DPYD: variants seen among roughly 807,000 people sequenced by gnomAD.
DPYD encodes the protein dihydropyrimidine dehydrogenase.
In DPYD, 109 loss-of-function variants were observed where a neutral mutation model predicts 116.2. The ratio of observed to expected loss-of-function variants is 0.94; its 90% confidence interval spans 0.80 to 1.10. The LOEUF is 1.10. Ranked by LOEUF, DPYD falls within the 50% of genes least tolerant of loss-of-function variation. The pLI, the probability that DPYD is intolerant of heterozygous loss-of-function variation, is 0.00. For missense variants in DPYD, 1,302 were observed against 1,254.5 expected (o/e 1.04, Z -0.57); for synonymous variants, 440 against 432.0 (o/e 1.02, Z -0.23).
chr1:97,632,875 C>T (rs1212498125), intron 8 of DPYD, among the ~76,000 whole-genome samples: 1 of 152,054 alleles, frequency 6.6e-6, no homozygotes, highest in Non-Finnish European at 1.5e-5. Flanking sequence ...GATCACTCAA[C>T]ATTTTTACAA....
At chr1:97,863,837 T>C (rs1376263226) in intron 2 of DPYD, among the ~76,000 whole-genome samples, 1 of 151,956 alleles carries the variant, frequency 6.6e-6, no homozygotes, top group African/African-American at 2.4e-5. Context: ...AGGCAACTTA[T>C]CTCTAGAGTC....
At chr1:97,531,807 T>G (rs1024437429) in intron 12 of DPYD, among the ~76,000 whole-genome samples, 2 of 152,138 alleles carry the variant, frequency 1.3e-5, no homozygotes, top group African/African-American at 4.8e-5. Context: ...TGGCAGTATT[T>G]TAGAGTTTTT....
intron 6 of DPYD, among the ~76,000 whole-genome samples, chr1:97,693,207 T>A (rs1661110751): frequency 7.1e-6 from 1 of 141,392 alleles, no homozygotes. Flanking sequence ...AGGAGAATAG[T>A]GTGAACCCGG....
chr1:97,226,303 A>C (rs1434218068), intron 19 of DPYD, among the ~76,000 whole-genome samples: 2 of 152,160 alleles, frequency 1.3e-5, no homozygotes, highest in Non-Finnish European at 2.9e-5. Flanking sequence ...GAAAAGTTGA[A>C]AGCTTTTCTT....
At chr1:97,551,217 C>G (rs529614574) in intron 11 of DPYD, among the ~76,000 whole-genome samples, 35 of 152,116 alleles carry the variant, frequency 2.3e-4, no homozygotes, top group Non-Finnish European at 4.9e-4. Context: ...ATTAAATATT[C>G]ATGTAATTAT....
At chr1:97,585,267 T>C (rs1248910605) in intron 10 of DPYD, among the ~76,000 whole-genome samples, 1 of 152,124 alleles carries the variant, frequency 6.6e-6, no homozygotes, top group Non-Finnish European at 1.5e-5. Context: ...ATGTGATAAA[T>C]TCTATTAACA....
intron 10 of DPYD, among the ~76,000 whole-genome samples, chr1:97,581,548 C>G (rs951172559): frequency 4.6e-5 from 7 of 151,108 alleles, no homozygotes; most frequent in Non-Finnish European, 7.4e-5. Context: ...TGAAGACTAG[C>G]CTGGGTAAAA....
chr1:97,376,900 T>TATATATATATATATATATATATAC (rs1671667341), intron 15 of DPYD, among the ~76,000 whole-genome samples: 1 of 148,838 alleles, frequency 6.7e-6, no homozygotes, highest in South Asian at 2.2e-4. Context: ...TATATATATA[T>TATATATATATATATATATATATAC]ATGGTGTGGA....
At chr1:97,752,540 G>T (rs1305206635) in intron 3 of DPYD, among the ~76,000 whole-genome samples, 1 of 152,044 alleles carries the variant, frequency 6.6e-6, no homozygotes, top group Non-Finnish European at 1.5e-5. Context: ...TTATCTCTGA[G>T]CCTCGGCTTC....
chr1:97,541,226 GT>G, intron 12 of DPYD, among the ~76,000 whole-genome samples: 1 of 152,190 alleles, frequency 6.6e-6, no homozygotes, highest in South Asian at 2.1e-4. Flanking sequence ...TTCTCGCCCT[GT>G]TTCTGTTGGA....
At chr1:97,105,102 A>G (rs1651036010) in intron 20 of DPYD, among the ~76,000 whole-genome samples, 1 of 152,134 alleles carries the variant, frequency 6.6e-6, no homozygotes, top group Non-Finnish European at 1.5e-5. Flanking sequence ...AACTCATATC[A>G]GGTCTCTCTT....
At chr1:97,228,990 G>T (rs1661388344) in intron 19 of DPYD, among the ~76,000 whole-genome samples, 1 of 151,964 alleles carries the variant, frequency 6.6e-6, no homozygotes, top group Non-Finnish European at 1.5e-5. Context: ...GAGGTCAGGA[G>T]ATTGAGACCA....
In DPYD at chr1:97,078,987, G is replaced by A. The variant is rs114096998; in HGVS notation, c.3067C>T (p.Pro1023Ser). Residue 1023 changes from proline (P) to serine (S), a missense_variant, in exon 23 of 23, where the codon CCG becomes TCG. By Grantham distance (74) the Pro-to-Ser change is moderately conservative. Transcript: ENST00000370192. Reference protein sequence around the residue: ...PKRGVPLSVNPVC With the variant: ...PKRGVPLSVNSVC ...TTTCACAAATCACCTTAACACACCGGATTCACAGATAAGGGTACGCCTCTC... is the reference window on the plus strand; with the variant it reads ...TTTCACAAATCACCTTAACACACCGAATTCACAGATAAGGGTACGCCTCTC... 155 of 1,613,558 alleles carry A rather than the reference G, an allele frequency of 9.6e-5. No homozygotes were observed. In the Middle Eastern group the frequency reaches 3.0e-3, roughly 31 times the overall value.
chr1:97,497,766 T>A (rs982617009), intron 13 of DPYD, among the ~76,000 whole-genome samples: 1 of 151,702 alleles, frequency 6.6e-6, no homozygotes, highest in East Asian at 1.9e-4. Context: ...TGGAAAACAG[T>A]TTAGCAATTC....
intron 18 of DPYD, among the ~76,000 whole-genome samples, chr1:97,272,914 A>C (rs993207773): frequency 4.6e-5 from 7 of 152,088 alleles, no homozygotes; most frequent in Non-Finnish European, 7.4e-5. Flanking sequence ...CTAAAATGAA[A>C]CAAGTGTGTT....
intron 4 of DPYD, among the ~76,000 whole-genome samples, chr1:97,730,304 C>A (rs1398550450): frequency 1.3e-5 from 2 of 152,086 alleles, no homozygotes; most frequent in Non-Finnish European, 2.9e-5. Context: ...TCACTGCAAC[C>A]TCCACCTCCC....
intron 8 of DPYD, among the ~76,000 whole-genome samples, chr1:97,610,202 A>C (rs1422578488): frequency 6.6e-6 from 1 of 151,930 alleles, no homozygotes; most frequent in Non-Finnish European, 1.5e-5. Context: ...CATAGTTCTT[A>C]TCCCTTAAAA....
intron 18 of DPYD, among the ~76,000 whole-genome samples, chr1:97,261,241 G>C (rs1037742830): frequency 1.3e-5 from 2 of 152,028 alleles, no homozygotes; most frequent in Non-Finnish European, 2.9e-5. Context: ...AATTTGAAAG[G>C]AAAGAAAGGG....
chr1:97,773,703 T>C (rs879242385), intron 3 of DPYD, among the ~76,000 whole-genome samples: 1 of 152,182 alleles, frequency 6.6e-6, no homozygotes. Context: ...GCGGATTACA[T>C]GGAATTTGGC....
Sources: allele counts gnomAD v4.1 joint callset (sites outside exome capture counted in the v4.1 genomes callset), GRCh38; gene constraint gnomAD v4.1.1; transcripts MANE v1.5; gene names NCBI Gene and HGNC (gene_info 2026-07-23, HGNC 2026-07-21).